ZNF536: variants seen among roughly 807,000 people sequenced by gnomAD.
ZNF536 encodes the protein zinc finger protein 536.
Under a neutral mutation model 84.5 loss-of-function variants are expected in ZNF536, and 13 were observed. The observed-to-expected ratio is 0.15, with a 90% CI of 0.10 to 0.24. The LOEUF (loss-of-function observed/expected upper bound fraction) is 0.24, where lower values mean the gene tolerates loss of function less well. Ranked by LOEUF, ZNF536 falls within the 10% of genes least tolerant of loss-of-function variation. The pLI, the probability that ZNF536 is intolerant of heterozygous loss-of-function variation, is 1.00. For missense variants in ZNF536, 1,536 were observed against 1,747.5 expected, an observed-to-expected ratio of 0.88 and a Z score of 2.16; for synonymous variants, 811 against 742.5, an observed-to-expected ratio of 1.09 and a Z score of -1.50.
chr19:30,359,067 G>A (rs566546924), intron 3 of ZNF536, among the ~76,000 whole-genome samples: 121 of 150,428 alleles, frequency 8.0e-4, no homozygotes, highest in Middle Eastern at 6.8e-3. Flanking sequence ...CATTGCAGCC[G>A]CCTAGGAGTG....
intron 2 of ZNF536, among the ~76,000 whole-genome samples, chr19:30,512,520 A>C (rs1298616154): frequency 6.6e-6 from 1 of 152,142 alleles, no homozygotes; most frequent in Non-Finnish European, 1.5e-5. Flanking sequence ...CTGTCCAAGC[A>C]TAATGCATTA....
At chr19:30,327,584 A>G (rs2047081037) in intron 2 of ZNF536, among the ~76,000 whole-genome samples, 1 of 152,242 alleles carries the variant, frequency 6.6e-6, no homozygotes, top group East Asian at 1.9e-4. Context: ...TGTTCCTGCG[A>G]ACCCTTCAGC....
chr19:30,523,236 T>G (rs1414970296), intron 2 of ZNF536, among the ~76,000 whole-genome samples: 1 of 152,216 alleles, frequency 6.6e-6, no homozygotes, highest in Non-Finnish European at 1.5e-5. Flanking sequence ...CCCCTCCCCA[T>G]GCCATCTTTA....
chr19:30,423,468 A>C (rs1190331151), intron 1 of ZNF536, among the ~76,000 whole-genome samples: 1 of 152,256 alleles, frequency 6.6e-6, no homozygotes, highest in Non-Finnish European at 1.5e-5. Flanking sequence ...TGAGAGACAG[A>C]AATGGAACAA....
rs761680442 is a variant in ZNF536 at position 30,548,410 on chromosome 19, A to C, written c.2791A>C (p.Lys931Gln). The change falls in exon 4 of 5, where the codon AAG (lysine) becomes CAG (glutamine). Residue 931 changes from lysine to glutamine, a missense_variant. Lys to Gln is a moderately conservative substitution (Grantham distance 53). Around this residue, in one of 8 missense-constraint regions of ZNF536, gnomAD observed 624 missense variants for 603.1 expected, o/e 1.03. Transcript: ENST00000355537. Reference sequence around the variant, plus strand: ...GGACAGTTTTGTCCTCAGTTCCTTGAAGAAGGAGAAGGACATGAAGGACAA... The same window carrying C: ...GGACAGTTTTGTCCTCAGTTCCTTGCAGAAGGAGAAGGACATGAAGGACAA... The part of the protein sequence containing the change: ...FMDSFVLSSL[K>Q]KEKDMKDKAL... The C allele has an allele frequency of 8.1e-6, 13 of 1,614,172 alleles. No homozygotes were observed. Among genetic ancestry groups the C allele is most frequent in the Admixed American group, 1.7e-5 (1 of 60,028 alleles).
intron 2 of ZNF536, among the ~76,000 whole-genome samples, chr19:30,455,862 C>A (rs1429537286): frequency 6.6e-6 from 1 of 152,152 alleles, no homozygotes; most frequent in African/African-American, 2.4e-5. Context: ...TTTTATGCAA[C>A]TAAAAATGTA....
chr19:30,510,470 GGGA>G (rs1275898613), intron 2 of ZNF536, among the ~76,000 whole-genome samples: 12 of 152,310 alleles, frequency 7.9e-5, no homozygotes, highest in Non-Finnish European at 1.6e-4. Context: ...GCCCCTCTTT[GGGA>G]GGCTTCAACT....
chr19:30,318,003 G>A (rs2046735875), intron 2 of ZNF536, among the ~76,000 whole-genome samples: 1 of 152,232 alleles, frequency 6.6e-6, no homozygotes, highest in African/African-American at 2.4e-5. Context: ...GGTAAGAAAT[G>A]CCACCTCTGT....
At chr19:30,299,001 T>C (rs2046094631) in intron 2 of ZNF536, among the ~76,000 whole-genome samples, 1 of 141,376 alleles carries the variant, frequency 7.1e-6, no homozygotes, top group South Asian at 2.3e-4. Context: ...TCACATTCCC[T>C]GCCAAAGGGG....
rs567215977 is a variant in ZNF536, at chr19:30,326,305, C to T, written c.-119-26063C>T. Reference sequence around the variant, plus strand: ...AGGCCTGGGATCCTTGGGAGTCTGCCCCACGGGGCGAAGAGGGGAACAGTG... The same window carrying T: ...AGGCCTGGGATCCTTGGGAGTCTGCTCCACGGGGCGAAGAGGGGAACAGTG... On this transcript the variant is annotated intron_variant, in intron 2 of 5. Coordinates refer to the ZNF536 transcript ENST00000585628. Among the ~76,000 whole-genome samples, 14 of 152,274 alleles carry T rather than the reference C, an allele frequency of 9.2e-5. No individual in the cohort carries two copies. The South Asian group carries it at 2.9e-3, about 32-fold the overall frequency.
At chr19:30,600,897 C>T (rs540684397) in intron 1 of ZNF536, among the ~76,000 whole-genome samples, 4 of 152,204 alleles carry the variant, frequency 2.6e-5, no homozygotes, top group Admixed American at 6.5e-5. Context: ...TCTTTTGTTC[C>T]GTTGATTCCT....
intron 2 of ZNF536, among the ~76,000 whole-genome samples, chr19:30,508,340 G>A (rs1008586284): frequency 6.6e-6 from 1 of 152,214 alleles, no homozygotes; most frequent in African/African-American, 2.4e-5. Context: ...CATTCTGGAA[G>A]GGAAACAAGG....
At chr19:30,402,796 A>AT (rs1555744993) in intron 1 of ZNF536, among the ~76,000 whole-genome samples, 2,264 of 85,560 alleles carry the variant, frequency 0.026, 130 homozygotes, top group African/African-American at 0.077. Context: ...AAAATTAAAA[A>AT]ATATATATAT....
intron 1 of ZNF536, among the ~76,000 whole-genome samples, chr19:30,414,427 T>C (rs1168260958): frequency 1.3e-5 from 2 of 152,236 alleles, no homozygotes; most frequent in African/African-American, 4.8e-5. Flanking sequence ...CTGTTAATCA[T>C]GGCATATGAA....
intron 2 of ZNF536, among the ~76,000 whole-genome samples, chr19:30,449,812 T>C (rs1302864765): frequency 6.6e-6 from 1 of 152,228 alleles, no homozygotes; most frequent in African/African-American, 2.4e-5. Flanking sequence ...TTGTTAGAGC[T>C]GCATTCCTGA....
chr19:30,530,460 C>T (rs1234009443), intron 2 of ZNF536, among the ~76,000 whole-genome samples: 1 of 152,114 alleles, frequency 6.6e-6, no homozygotes, highest in Non-Finnish European at 1.5e-5. Context: ...AATTCTCCTG[C>T]CTCAGTCTCC....
chr19:30,674,348 A>G (rs1193258551), intron 1 of ZNF536, among the ~76,000 whole-genome samples: 1 of 152,226 alleles, frequency 6.6e-6, no homozygotes, highest in Admixed American at 6.5e-5. Context: ...GAGTGGTTGC[A>G]TAGAGTCAGG....
rs2144812624 is a variant in ZNF536, at chr19:30,713,084, A to G, written c.*2083A>G. ...TCAGCATCCTCAGATGCGACAGGCA[A>G]TAATTCTGTTTGTGACACTGGGAAC... On this transcript the variant is annotated 3_prime_UTR_variant, in exon 2 of 2. Transcript: ENST00000592773. 1.3e-5 allele frequency: 2 copies of G among 152,224 alleles called. 1 individual carries two copies. Among genetic ancestry groups the G allele is most frequent in the East Asian group, 3.9e-4 (2 of 5,182 alleles). The allele number at this position is 152,224 out of a possible 1,614,324, so 9.4% of individuals were successfully genotyped here.
chr19:30,491,773 GTGTGGGGACTCCTC>G (rs2054518431), intron 2 of ZNF536, among the ~76,000 whole-genome samples: 1 of 151,978 alleles, frequency 6.6e-6, no homozygotes, highest in Non-Finnish European at 1.5e-5. Context: ...TAAGTCAAAT[GTGTGGGGACTCCTC>G]TGTGGGTCCC....
Sources: gnomAD v4.1 joint callset for allele counts (sites outside exome capture counted in the v4.1 genomes callset) on GRCh38, gnomAD v4.1.1 for gene constraint, gnomAD v4.1.1 regional missense constraint, MANE v1.5 for transcripts, NCBI Gene and HGNC (gene_info 2026-07-23, HGNC 2026-07-21) for gene names.